ANGPTL6: variants seen among roughly 807,000 people sequenced by gnomAD.
ANGPTL6 encodes the protein angiopoietin like 6.
A neutral mutation model predicts 47.4 loss-of-function variants in ANGPTL6; 45 were observed. The observed-to-expected ratio is 0.95, with a 90% CI of 0.75 to 1.22. The LOEUF is 1.22. ANGPTL6 is among the 50% of genes most tolerant of loss of function. The pLI, the probability that ANGPTL6 is intolerant of heterozygous loss-of-function variation, is 0.00. For synonymous variants in ANGPTL6, 290 were observed against 295.9 expected (o/e 0.98, Z 0.20); for missense variants, 698 against 669.4 (o/e 1.04, Z -0.47).
At chr19:10,106,163 C>T, upstream of ANGPTL6, 2 of 695,638 alleles carry the variant, frequency 2.9e-6, no homozygotes, top group Non-Finnish European at 4.6e-6. Context: ...CCGGCGGATT[C>T]GTTTCTCTGC....
At chr19:10,096,797 T>A (rs1053624326) in intron 1 of ANGPTL6, among the ~76,000 whole-genome samples, 3 of 152,148 alleles carry the variant, frequency 2.0e-5, no homozygotes, top group African/African-American at 7.2e-5. Context: ...AAGCATTCAT[T>A]CATTCGACAA....
chr19:10,103,667 T>TA (rs1308819584), upstream of ANGPTL6, among the ~76,000 whole-genome samples: 3 of 150,540 alleles, frequency 2.0e-5, no homozygotes, highest in East Asian at 1.9e-4. Context: ...TTAATTAAAA[T>TA]AAAAAATAAA....
upstream of ANGPTL6, among the ~76,000 whole-genome samples, chr19:10,105,592 G>C (rs2088799193): frequency 1.3e-5 from 2 of 150,254 alleles, no homozygotes; most frequent in Non-Finnish European, 3.0e-5. Flanking sequence ...TTACAAGAGG[G>C]AGAAAGAGAC....
intron 1 of ANGPTL6, among the ~76,000 whole-genome samples, chr19:10,098,773 G>A (rs542017086): frequency 6.6e-6 from 1 of 150,688 alleles, no homozygotes; most frequent in African/African-American, 2.4e-5. Context: ...GCAGTGAGCC[G>A]AGATCGCACC....
intron 1 of ANGPTL6, 128 bp downstream of exon 1, chr19:10,102,440 A>C: frequency 2.1e-6 from 1 of 469,714 alleles, no homozygotes; most frequent in Non-Finnish European, 2.8e-6. Context: ...GGACGTGTGT[A>C]TAACACCCGC....
chr19:10,102,499 C>G lies in ANGPTL6; in HGVS notation c.-11+69G>C, dbSNP rs1259768273. ...GGTGGCGGGGTGGCCTGGGGGCCCCCAAGCCAAGCTGTGGTCGGAGTTTCC... is the reference window on the plus strand; with the variant it reads ...GGTGGCGGGGTGGCCTGGGGGCCCCGAAGCCAAGCTGTGGTCGGAGTTTCC... On this transcript the variant is annotated intron_variant, in intron 1 of 5. Coordinates refer to ENST00000253109, the MANE Select transcript of ANGPTL6 (RefSeq NM_031917.3). The G allele has an allele frequency of 1.0e-5, 10 of 969,624 alleles. No individual in the cohort carries two copies. The South Asian group carries it at 4.3e-4, about 41-fold the overall frequency. The allele number at this position is 969,624 out of a possible 1,614,324, so 60.1% of individuals were successfully genotyped here. A position where few individuals can be genotyped will look rare whatever the true frequency, so the allele number is the denominator to read the frequency against.
At chr19:10,096,918 A>AC (rs2088559796) in intron 1 of ANGPTL6, among the ~76,000 whole-genome samples, 1 of 120,420 alleles carries the variant, frequency 8.3e-6, no homozygotes, top group Non-Finnish European at 1.7e-5. Flanking sequence ...ACATGGGGAG[A>AC]CCCCTGTCTC....
At chr19:10,101,528 C>T (rs1290653335) in intron 1 of ANGPTL6, among the ~76,000 whole-genome samples, 1 of 150,404 alleles carries the variant, frequency 6.6e-6, no homozygotes, top group East Asian at 2.0e-4. Context: ...CAGAAAGGGG[C>T]CAGGCACGGT....
Position 10,096,224 on chromosome 19 carries a change from G to C in ANGPTL6, c.340C>G (p.Leu114Val). Residue 114 changes from leucine (L) to valine (V), a missense_variant, in exon 2 of 6, where the codon CTG becomes GTG. Transcript: ENST00000253109. ...SARLGQLRAQ[L>V]QHEAGPGAGP... is the part of the protein sequence containing the mutation. ...GCCCCGGGCCCCGCCTCGTGCTGCA[G>C]CTGCGCGCGCAACTGGCCCAGGCGC... 1 of 1,195,950 alleles carries C rather than the reference G, an allele frequency of 8.4e-7. No homozygotes were observed. The highest frequency in any genetic ancestry group is 1.0e-6 in the Non-Finnish European group (1 of 965,658). The allele number at this position is 1,195,950 out of a possible 1,614,324, so 74.1% of individuals were successfully genotyped here.
In ANGPTL6 at chr19:10,092,570, G is replaced by T; in HGVS notation, c.*19C>A. The T allele has an allele frequency of 6.3e-7, 1 of 1,588,494 alleles. No homozygotes were observed. The highest frequency in any genetic ancestry group is 1.1e-5 in the South Asian group (1 of 88,006). On this transcript the variant is annotated 3_prime_UTR_variant, in exon 6 of 6. Transcript: ENST00000253109. Reference sequence around the variant, plus strand: ...CTGACCAATGTCCTCTAGGGCCTAGGGGACAGAGGAACACAGAGTCACAGC... The same window carrying T: ...CTGACCAATGTCCTCTAGGGCCTAGTGGACAGAGGAACACAGAGTCACAGC...
chr19:10,092,472 C>T lies in ANGPTL6; in HGVS notation c.*117G>A. On this transcript the variant is annotated 3_prime_UTR_variant, in exon 6 of 6. Transcript: ENST00000253109. Reference sequence around the variant, plus strand: ...TTCAGCGCCCAGGGTCACAGATCCACAGTGGGAAGTTCTGTGGGACACATT... The same window carrying T: ...TTCAGCGCCCAGGGTCACAGATCCATAGTGGGAAGTTCTGTGGGACACATT... 6.6e-7 allele frequency: 1 copy of T among 1,519,384 alleles called. No individual in the cohort carries two copies. Among genetic ancestry groups the T allele is most frequent in the Non-Finnish European group, 8.9e-7 (1 of 1,127,572 alleles). 94.1% of individuals were successfully genotyped at this position (1,519,384 alleles called of 1,614,324 possible). A position where few individuals can be genotyped will look rare whatever the true frequency, so the allele number is the denominator to read the frequency against.
In ANGPTL6 at chr19:10,094,941, G is replaced by C. The variant is rs774186971; in HGVS notation, c.583-3C>G. 6.3e-7 allele frequency: 1 copy of C among 1,598,662 alleles called. No homozygotes were observed. Among genetic ancestry groups the C allele is most frequent in the African/African-American group, 1.3e-5 (1 of 74,358 alleles). Reference sequence around the variant, plus strand: ...ACCAGTGGGGGTGGCGGCAGGACCTGGGGTGACGGAGAAAGTCAGGTGTAA... The same window carrying C: ...ACCAGTGGGGGTGGCGGCAGGACCTCGGGTGACGGAGAAAGTCAGGTGTAA... On this transcript the variant is annotated splice_region_variant and splice_polypyrimidine_tract_variant and intron_variant, in intron 2 of 5. Coordinates refer to ENST00000253109, the MANE Select transcript of ANGPTL6 (RefSeq NM_031917.3).
In ANGPTL6 at chr19:10,093,820, T is replaced by A. The variant is rs1333321383; in HGVS notation, c.824A>T (p.Glu275Val). 3 of 1,613,480 alleles carry A rather than the reference T, an allele frequency of 1.9e-6. No individual in the cohort carries two copies. The highest frequency in any genetic ancestry group is 2.5e-6 in the Non-Finnish European group (3 of 1,180,042). ...QAGHEQSGVYELRVGRHVVSV... is the reference protein window; with the variant it reads ...QAGHEQSGVYVLRVGRHVVSV... The stretch of plus-strand genomic sequence containing the variant: ...CACTACGTGACGGCCCACTCGCAGT[T>A]CATACACTCCACTCTGTTCATGGCC... Residue 275 changes from glutamate (E) to valine (V), a missense_variant, in exon 4 of 6, where the codon GAA (glutamate) becomes GTA (valine). Glu to Val is a moderately radical substitution (Grantham distance 121). Coordinates refer to ENST00000253109, the MANE Select transcript of ANGPTL6 (RefSeq NM_031917.3).
intron 1 of ANGPTL6, among the ~76,000 whole-genome samples, chr19:10,099,983 C>G (rs2088644566): frequency 6.6e-6 from 1 of 150,658 alleles, no homozygotes. Context: ...CCTCAGCCTC[C>G]CAAGAAGCTG....
rs967510650 is a variant in ANGPTL6, at chr19:10,093,217, G to A, written c.1222+132C>T. 4.8e-6 allele frequency: 6 copies of A among 1,249,080 alleles called. No homozygotes were observed. The African/African-American group carries it at 7.5e-5, about 16-fold the overall frequency. 77.4% of individuals were successfully genotyped at this position (1,249,080 alleles called of 1,614,324 possible). The stretch of plus-strand genomic sequence containing the variant: ...TAAAAGTCCTGACCTTTGTTCTCTT[G>A]ACGGAATAAAAGCTTGCTTATCCTT... On this transcript the variant is annotated intron_variant, in intron 5 of 5. Coordinates refer to ENST00000253109, the MANE Select transcript of ANGPTL6 (RefSeq NM_031917.3).
chr19:10,093,623 G>A lies in ANGPTL6; in HGVS notation c.952-4C>T, dbSNP rs773433405. 4 of 1,613,142 alleles carry A rather than the reference G, an allele frequency of 2.5e-6. No individual in the cohort carries two copies. The East Asian group carries it at 8.9e-5, about 36-fold the overall frequency. On this transcript the variant is annotated splice_polypyrimidine_tract_variant and splice_region_variant and intron_variant, in intron 4 of 5. Transcript: ENST00000253109. ...CGTCTGGCCGCCCAAAGCCCGCCTG[G>A]CAGGGCAGGAAAGTCAGGAAGCCAG...
In ANGPTL6 at chr19:10,093,677, G is replaced by T; in HGVS notation, c.951+16C>A. 1 of 1,613,726 alleles carries T rather than the reference G, an allele frequency of 6.2e-7. No homozygotes were observed. Among genetic ancestry groups the T allele is most frequent in the South Asian group, 1.1e-5 (1 of 91,072 alleles). ...AGGCTCCCTCCCCTTCCCTGCCTCT[G>T]CCCACCTGTGCCCACCTTATAGTGC... On this transcript the variant is annotated intron_variant, in intron 4 of 5. Coordinates refer to ENST00000253109, the MANE Select transcript of ANGPTL6 (RefSeq NM_031917.3).
rs770007707 is a variant in ANGPTL6 at position 10,096,090 on chromosome 19, G to C, written c.474C>G (p.His158Gln). Residue 158 changes from histidine (H) to glutamine (Q), a missense_variant, in exon 2 of 6, where the codon CAC (histidine) becomes CAG (glutamine). His to Gln is a conservative substitution (Grantham distance 24). Coordinates refer to ENST00000253109, the MANE Select transcript of ANGPTL6 (RefSeq NM_031917.3). ...AEAQRAAARF[H>Q]QLDVKFRELA... ...GCTCGCGGAACTTGACGTCCAGCTG[G>C]TGGAACCGGGCGGCTGCGCGCTGAG... 6.7e-7 allele frequency: 1 copy of C among 1,493,494 alleles called. No homozygotes were observed. The highest frequency in any genetic ancestry group is 1.8e-4 in the Middle Eastern group (1 of 5,602). 92.5% of individuals were successfully genotyped at this position (1,493,494 alleles called of 1,614,324 possible). A position where few individuals can be genotyped will look rare whatever the true frequency, so the allele number is the denominator to read the frequency against.
upstream of ANGPTL6, among the ~76,000 whole-genome samples, chr19:10,105,763 A>G (rs1183348114): frequency 6.6e-6 from 1 of 152,156 alleles, no homozygotes; most frequent in Non-Finnish European, 1.5e-5. Flanking sequence ...GTTTTGGGGA[A>G]GAAGCCAGAG....
Sources: allele counts gnomAD v4.1 joint callset (sites outside exome capture counted in the v4.1 genomes callset), GRCh38; gene constraint gnomAD v4.1.1; transcripts MANE v1.5; gene names NCBI Gene and HGNC (gene_info 2026-07-23, HGNC 2026-07-21).